The following TSEN2 variants were observed in gnomAD, a reference collection of about 807,000 sequenced individuals.
The protein encoded by TSEN2 is tRNA-splicing endonuclease subunit Sen2.
TSEN2 carries 54 observed loss-of-function variants against 59.2 expected under a neutral mutation model. That is an observed-to-expected ratio of 0.91 (90% CI 0.73 to 1.14). TSEN2 has a LOEUF of 1.14. Among genes scored for constraint, TSEN2 ranks in the 50% most tolerant of loss-of-function variants. The pLI is 0.00. For missense variants in TSEN2, 636 were observed against 576.2 expected, an observed-to-expected ratio of 1.10 and a Z score of -1.06; for synonymous variants, 195 against 198.2, an observed-to-expected ratio of 0.98 and a Z score of 0.14.
intron 3 of TSEN2, among the ~76,000 whole-genome samples, chr3:12,493,750 G>A (rs909187224): frequency 6.6e-6 from 1 of 151,996 alleles, no homozygotes; most frequent in African/African-American, 2.4e-5. Flanking sequence ...AAATAACAGA[G>A]CAAGACTCCA....
In TSEN2 at chr3:12,519,098, G is replaced by A. The variant is rs2056404379; in HGVS notation, c.1000G>A (p.Val334Ile). Residue 334 changes from valine (V) to isoleucine (I), a missense_variant, in exon 8 of 12, where the codon GTA (valine) becomes ATA (isoleucine). Coordinates refer to ENST00000284995, the MANE Select transcript of TSEN2 (RefSeq NM_025265.4). The stretch of plus-strand genomic sequence containing the variant: ...AGTGAAGCTCTGGAAAGCTTTCACT[G>A]TAGTTCAGCCCACGTTCAGAACCAC... The part of the protein sequence containing the change: ...TIVKLWKAFT[V>I]VQPTFRTTYM... 2 of 1,614,100 alleles carry A rather than the reference G, an allele frequency of 1.2e-6. No homozygotes were observed. Among genetic ancestry groups the A allele is most frequent in the Admixed American group, 1.7e-5 (1 of 60,010 alleles).
chr3:12,512,337 G>A (rs2055560479), intron 6 of TSEN2, among the ~76,000 whole-genome samples: 1 of 152,152 alleles, frequency 6.6e-6, no homozygotes, highest in South Asian at 2.1e-4. Flanking sequence ...GCTGAGGGAG[G>A]GCTAGCACTC....
intron 10 of TSEN2, chr3:12,530,823 A>G: frequency 2.1e-6 from 2 of 937,286 alleles, no homozygotes; most frequent in African/African-American, 1.8e-5. Context: ...ATGTCGTATA[A>G]CAAAACCGTT....
intron 8 of TSEN2, among the ~76,000 whole-genome samples, chr3:12,525,556 A>G (rs1300040937): frequency 2.0e-5 from 3 of 151,496 alleles, no homozygotes; most frequent in African/African-American, 7.3e-5. Flanking sequence ...TTTTACTTTT[A>G]TTTATTTATG....
At chr3:12,505,990 T>G (rs2054787525) in intron 6 of TSEN2, among the ~76,000 whole-genome samples, 1 of 151,770 alleles carries the variant, frequency 6.6e-6, no homozygotes, top group South Asian at 2.1e-4. Context: ...TAAAAAGATT[T>G]CAGATTGTTA....
intron 6 of TSEN2, among the ~76,000 whole-genome samples, chr3:12,508,492 C>A (rs2055075684): frequency 6.6e-6 from 1 of 152,162 alleles, no homozygotes; most frequent in Non-Finnish European, 1.5e-5. Flanking sequence ...GAATGTTAGT[C>A]AGGAACACAG....
At chr3:12,494,867 T>C (rs1386608993) in intron 3 of TSEN2, among the ~76,000 whole-genome samples, 1 of 151,750 alleles carries the variant, frequency 6.6e-6, no homozygotes, top group Non-Finnish European at 1.5e-5. Flanking sequence ...GGCTCACACC[T>C]GTAATCCCAG....
chr3:12,527,310 T>C (rs1266950528), intron 8 of TSEN2, among the ~76,000 whole-genome samples: 2 of 152,220 alleles, frequency 1.3e-5, no homozygotes, highest in East Asian at 3.8e-4. Context: ...ATATGGTTAC[T>C]AAAGTCATGC....
In TSEN2 at chr3:12,513,269, T is replaced by A. The variant is rs950816735; in HGVS notation, c.910-3342T>A. ...TTAGCAGATATCAAGAAAGAATCTC[T>A]TATTAGGCAAGGATGGGATTGAACC... is the stretch of plus-strand genomic sequence containing the variant. On this transcript the variant is annotated intron_variant, in intron 6 of 11. Coordinates refer to ENST00000284995, the MANE Select transcript of TSEN2 (RefSeq NM_025265.4). Among the ~76,000 whole-genome samples the A allele has an allele frequency of 5.9e-5, 9 of 152,312 alleles. No homozygotes were observed. In the East Asian group the frequency reaches 1.2e-3, roughly 20 times the overall value.
At chr3:12,506,686 C>A in intron 6 of TSEN2, 1 of 985,264 alleles carries the variant, frequency 1.0e-6, no homozygotes, top group South Asian at 4.7e-5. Flanking sequence ...CTCAGACCCT[C>A]TTTTCTTGCT....
chr3:12,504,383 AC>A (rs1458837959), intron 5 of TSEN2, among the ~76,000 whole-genome samples: 1 of 152,062 alleles, frequency 6.6e-6, no homozygotes, highest in African/African-American at 2.4e-5. Flanking sequence ...GGAGCTCAAG[AC>A]CAGCCAGGGC....
upstream of TSEN2, among the ~76,000 whole-genome samples, chr3:12,481,279 A>C (rs2052190557): frequency 1.3e-5 from 2 of 152,210 alleles, no homozygotes; most frequent in Non-Finnish European, 2.9e-5. Context: ...TGTATTTACA[A>C]ACTCACCTAG....
In TSEN2 at chr3:12,503,502, G is replaced by C; in HGVS notation, c.549G>C (p.Val183=). The stretch of plus-strand genomic sequence containing the variant: ...GGGACTCTGGAAAGTCAGGTGGTGT[G>C]GGTGATCCCCGTGAGCCATTAGGCT... ...VNGDSGKSGG[V]GDPREPLGCL... The change falls in exon 5 of 12, where the codon GTG becomes GTC. Residue 183 remains valine, a synonymous_variant. Coordinates refer to ENST00000284995, the MANE Select transcript of TSEN2 (RefSeq NM_025265.4). The C allele has an allele frequency of 1.9e-6, 3 of 1,614,200 alleles. No homozygotes were observed. Among genetic ancestry groups the C allele is most frequent in the South Asian group, 1.1e-5 (1 of 91,074 alleles).
At chr3:12,517,718 A>T (rs1408310339) in intron 7 of TSEN2, among the ~76,000 whole-genome samples, 2 of 152,120 alleles carry the variant, frequency 1.3e-5, no homozygotes, top group African/African-American at 4.8e-5. Flanking sequence ...CAAATGGCTC[A>T]TTTTCCCAAA....
intron 10 of TSEN2, chr3:12,538,898 C>T (rs2057743961): frequency 3.6e-6 from 1 of 279,692 alleles, no homozygotes; most frequent in Non-Finnish European, 7.0e-6. Flanking sequence ...TTTCAGTGGG[C>T]AGAGGAAGTG....
upstream of TSEN2, among the ~76,000 whole-genome samples, chr3:12,484,093 T>C (rs539239686): frequency 6.6e-6 from 1 of 152,272 alleles, no homozygotes; most frequent in South Asian, 2.1e-4. Context: ...TCTTTCTACA[T>C]TGAGAAAGAT....
chr3:12,505,843 G>A (rs1164541679), intron 6 of TSEN2, among the ~76,000 whole-genome samples: 1 of 150,350 alleles, frequency 6.7e-6, no homozygotes, highest in Non-Finnish European at 1.5e-5. Flanking sequence ...GCTTATGCCT[G>A]TAGTCCAGCC....
chr3:12,516,054 G>A (rs1291967333), intron 6 of TSEN2, among the ~76,000 whole-genome samples: 1 of 151,920 alleles, frequency 6.6e-6, no homozygotes, highest in African/African-American at 2.4e-5. Context: ...ATTGATTTAA[G>A]CCAGTTTGTA....
intron 3 of TSEN2, among the ~76,000 whole-genome samples, chr3:12,494,771 CAG>C (rs1268929309): frequency 6.6e-6 from 1 of 151,786 alleles, no homozygotes; most frequent in African/African-American, 2.4e-5. Flanking sequence ...AAACAGGATG[CAG>C]AGAGAGGTGA....
Sources: allele counts gnomAD v4.1 joint callset (sites outside exome capture counted in the v4.1 genomes callset), GRCh38; gene constraint gnomAD v4.1.1; transcripts MANE v1.5; gene names NCBI Gene and HGNC (gene_info 2026-07-23, HGNC 2026-07-21).